Variants in PPIL2 observed in about 807,000 individuals in gnomAD.
PPIL2 encodes RING-type E3 ubiquitin-protein ligase PPIL2.
Under a neutral mutation model 75.2 loss-of-function variants are expected in PPIL2, and 50 were observed. That is an observed-to-expected ratio of 0.66 (90% CI 0.53 to 0.84). The LOEUF is 0.84. PPIL2 is among the 40% of genes least tolerant of loss of function. The pLI is 0.00. For missense variants in PPIL2, 590 were observed against 685.0 expected (o/e 0.86, Z 1.55); for synonymous variants, 245 against 258.8 (o/e 0.95, Z 0.51).
chr22:21,666,280 A>G (rs2066372256), intron 1 of PPIL2, 149 bp downstream of exon 1: 1 of 977,024 alleles, frequency 1.0e-6, no homozygotes, highest in African/African-American at 1.7e-5. Flanking sequence ...CCCTGTCTCC[A>G]GTCAGGGTAA....
intron 1 of PPIL2, 40 bp downstream of exon 1, chr22:21,666,171 C>T: frequency 6.3e-7 from 1 of 1,586,108 alleles, no homozygotes; most frequent in South Asian, 1.1e-5. Context: ...TCCACTCTGC[C>T]TCAGTGAACC....
rs1484244539 is a variant in PPIL2, at chr22:21,695,653, C to CCATCCCTTA, written c.*164_*172dup. 2.1e-6 allele frequency: 3 copies of CCATCCCTTA among 1,448,086 alleles called. No homozygotes were observed. The East Asian group carries it at 7.8e-5, about 38-fold the overall frequency. The allele number at this position is 1,448,086 out of a possible 1,614,324, so 89.7% of individuals were successfully genotyped here. A position where few individuals can be genotyped will look rare whatever the true frequency, so the allele number is the denominator to read the frequency against. ...TGGCCCCTGGGAGCCCACAGCCTTC[C>CCATCCCTTA]CATCCCTTAACCTGTTGCCAAGGGC... is the stretch of plus-strand genomic sequence containing the variant. On this transcript the variant is annotated 3_prime_UTR_variant, in exon 20 of 20. Coordinates refer to ENST00000398831, the MANE Select transcript of PPIL2 (RefSeq NM_014337.4).
intron 6 of PPIL2, among the ~76,000 whole-genome samples, chr22:21,677,690 AGCGG>A (rs201642691): frequency 0.3 from 45,759 of 151,256 alleles, 7,109 homozygotes; most frequent in Non-Finnish European, 0.35. Context: ...GACCCTGGGG[AGCGG>A]GAGCGGGAGA....
chr22:21,667,829 G>T (rs1466592352), intron 1 of PPIL2, among the ~76,000 whole-genome samples: 2 of 140,552 alleles, frequency 1.4e-5, no homozygotes, highest in Non-Finnish European at 3.0e-5. Flanking sequence ...AGGCTGGAGT[G>T]CAATGGTGCC....
intron 6 of PPIL2, among the ~76,000 whole-genome samples, chr22:21,680,893 A>T (rs1250365325): frequency 6.8e-6 from 1 of 147,282 alleles, no homozygotes. Flanking sequence ...AGGCAAGGGG[A>T]TGGGCGGTTC....
At chr22:21,677,614 G>A (rs1269118063) in intron 6 of PPIL2, among the ~76,000 whole-genome samples, 1 of 152,228 alleles carries the variant, frequency 6.6e-6, no homozygotes, top group African/African-American at 2.4e-5. Flanking sequence ...GGAGAATCAC[G>A]CAGGGAGGTT....
At chr22:21,673,188 T>C (rs2066702696) in intron 5 of PPIL2, among the ~76,000 whole-genome samples, 1 of 152,214 alleles carries the variant, frequency 6.6e-6, no homozygotes, top group Admixed American at 6.5e-5. Flanking sequence ...GGGAGGGCAC[T>C]CTTCTTCCTT....
intron 16 of PPIL2, 73 bp from the exon 17 acceptor site, chr22:21,694,520 C>T (rs544450795): frequency 5.4e-4 from 842 of 1,549,154 alleles, no homozygotes; most frequent in Non-Finnish European, 6.4e-4. Flanking sequence ...CCTCTTCCCA[C>T]GTGCCTTGGG....
intron 6 of PPIL2, among the ~76,000 whole-genome samples, chr22:21,677,032 G>GC (rs1157928581): frequency 2.7e-5 from 4 of 150,518 alleles, no homozygotes; most frequent in Middle Eastern, 3.6e-3. Context: ...GGCGGGGGCT[G>GC]CCCCCCACCT....
intron 6 of PPIL2, among the ~76,000 whole-genome samples, chr22:21,678,408 T>C (rs1005944104): frequency 4.6e-5 from 7 of 152,136 alleles, no homozygotes; most frequent in Non-Finnish European, 8.8e-5. Flanking sequence ...TTTTTGTGTT[T>C]TTTGTAGAGA....
In PPIL2 at chr22:21,670,580, A is replaced by G. The variant is rs781410560; in HGVS notation, c.97A>G (p.Asn33Asp). 6.2e-7 allele frequency: 1 copy of G among 1,611,490 alleles called. No individual in the cohort carries two copies. Among genetic ancestry groups the G allele is most frequent in the African/African-American group, 1.3e-5 (1 of 74,990 alleles). Residue 33 changes from asparagine to aspartate, a missense_variant, in exon 3 of 20, where the codon AAT becomes GAT. Transcript: ENST00000398831. ...TTTTTAAACAGATCTCCCACAAACA[A>G]ATTTTCGTCGTTTACCTTTTGACCA... is the stretch of plus-strand genomic sequence containing the variant. ...GGKKPDLPQTNFRRLPFDHCS... is the reference protein window; with the variant it reads ...GGKKPDLPQTDFRRLPFDHCS...
At chr22:21,687,945 C>A in intron 13 of PPIL2, 128 bp from the exon 14 acceptor site, 3 of 1,269,930 alleles carry the variant, frequency 2.4e-6, no homozygotes, top group East Asian at 2.3e-5. Flanking sequence ...GCTGGGAGGG[C>A]CCCTCATTAT....
chr22:21,684,477 A>G (rs1015576713), intron 9 of PPIL2, among the ~76,000 whole-genome samples: 5 of 144,250 alleles, frequency 3.5e-5, no homozygotes, highest in African/African-American at 1.1e-4. Context: ...AAAAAAAAAG[A>G]AAAAAAAAGC....
At chr22:21,683,286 G>A (rs199917246) in intron 9 of PPIL2, 29 bp downstream of exon 9, 18 of 1,574,966 alleles carry the variant, frequency 1.1e-5, no homozygotes, top group African/African-American at 8.1e-5. Context: ...TGGGCTAGGC[G>A]AGGGGGCTTT....
chr22:21,674,265 C>T (rs1156274571), intron 5 of PPIL2, among the ~76,000 whole-genome samples: 1 of 152,192 alleles, frequency 6.6e-6, no homozygotes, highest in Non-Finnish European at 1.5e-5. Context: ...TTCCCACCTC[C>T]GGTTGTCCAG....
chr22:21,682,633 A>G (rs2067181061), intron 8 of PPIL2, 107 bp downstream of exon 8: 2 of 587,590 alleles, frequency 3.4e-6, no homozygotes, highest in African/African-American at 5.0e-5. Context: ...TCTGTCCTCA[A>G]AGCCACCTGA....
At chr22:21,689,005 A>G (rs2067503606) in intron 15 of PPIL2, among the ~76,000 whole-genome samples, 156 bp downstream of exon 15, 1 of 152,196 alleles carries the variant, frequency 6.6e-6, no homozygotes, top group Non-Finnish European at 1.5e-5. Context: ...TGCGTTCAAA[A>G]GGGGGTCCCC....
chr22:21,694,702 G>A (rs2067840153), intron 17 of PPIL2, 37 bp downstream of exon 17: 6 of 1,613,098 alleles, frequency 3.7e-6, no homozygotes, highest in Non-Finnish European at 5.1e-6. Context: ...GCGGCTGGGG[G>A]CCAGGCAGGC....
At chr22:21,669,134 C>T (rs980208019) in intron 1 of PPIL2, among the ~76,000 whole-genome samples, 5 of 151,990 alleles carry the variant, frequency 3.3e-5, no homozygotes, top group Non-Finnish European at 7.4e-5. Flanking sequence ...TAGGCGTGAG[C>T]CACCTTGCCC....
Sources: allele counts gnomAD v4.1 joint callset (sites outside exome capture counted in the v4.1 genomes callset), GRCh38; gene constraint gnomAD v4.1.1; transcripts MANE v1.5; gene names NCBI Gene and HGNC (gene_info 2026-07-23, HGNC 2026-07-21).